Variants in ADCY9 observed in about 807,000 individuals in gnomAD.
ADCY9 encodes the protein adenylate cyclase type 9.
A neutral mutation model predicts 101.5 loss-of-function variants in ADCY9; 50 were observed. The ratio of observed to expected loss-of-function variants is 0.49; its 90% CI spans 0.39 to 0.62. The LOEUF (loss-of-function observed/expected upper bound fraction) is 0.62. ADCY9 is among the 20% of genes least tolerant of loss of function. The pLI, the probability that ADCY9 is intolerant of heterozygous loss-of-function variation, is 0.00. For missense variants in ADCY9, 1,662 were observed against 1,800.4 expected (o/e 0.92, Z 1.39); for synonymous variants, 905 against 769.3 (o/e 1.18, Z -2.92).
chr16:4,113,740 G>A lies in ADCY9; in HGVS notation c.1693+10C>T. ...GGAGGGGGGATGCCGAGGTAAAGCA[G>A]TGCACATACCTTTCAACTGGTCAGC... On this transcript the variant is annotated intron_variant, in intron 2 of 10. Transcript: ENST00000294016. 1 of 1,608,264 alleles carries A rather than the reference G, an allele frequency of 6.2e-7. No homozygotes were observed. The highest frequency in any genetic ancestry group is 8.5e-7 in the Non-Finnish European group (1 of 1,175,722).
chr16:4,069,866 C>T (rs1321033981), intron 2 of ADCY9, among the ~76,000 whole-genome samples: 3 of 152,124 alleles, frequency 2.0e-5, no homozygotes, highest in Non-Finnish European at 4.4e-5. Context: ...GAGGCTGAGG[C>T]AGGTGGATCA....
intron 2 of ADCY9, among the ~76,000 whole-genome samples, chr16:4,035,441 G>A (rs917061313): frequency 2.6e-5 from 4 of 152,140 alleles, no homozygotes; most frequent in African/African-American, 9.7e-5. Flanking sequence ...TAATATAAGT[G>A]TAATTGCCAT....
intron 9 of ADCY9, among the ~76,000 whole-genome samples, chr16:3,976,860 G>A (rs910357170): frequency 6.6e-6 from 1 of 152,210 alleles, no homozygotes; most frequent in African/African-American, 2.4e-5. Context: ...GTTTCACCAT[G>A]TTGGCCAGGC....
At chr16:4,075,559 C>G (rs1456599559) in intron 2 of ADCY9, among the ~76,000 whole-genome samples, 1 of 152,098 alleles carries the variant, frequency 6.6e-6, no homozygotes, top group Non-Finnish European at 1.5e-5. Flanking sequence ...AGAAATGTAC[C>G]CGGTCCCATG....
intron 10 of ADCY9, among the ~76,000 whole-genome samples, chr16:3,972,303 C>G (rs1035330942): frequency 2.6e-5 from 4 of 151,392 alleles, no homozygotes; most frequent in African/African-American, 9.7e-5. Context: ...GATCTAGGCT[C>G]ACTGCAACCT....
At chr16:4,047,732 G>C (rs901887908) in intron 2 of ADCY9, among the ~76,000 whole-genome samples, 4 of 152,142 alleles carry the variant, frequency 2.6e-5, no homozygotes, top group African/African-American at 9.7e-5. Context: ...TGAAATCTAT[G>C]ACCAAGCAGG....
At position 3,963,932 on chromosome 16, in the gene ADCY9, G is replaced by C. The variant is rs2055963211; in HGVS notation, c.*1843C>G. On this transcript the variant is annotated 3_prime_UTR_variant, in exon 11 of 11. Transcript: ENST00000294016. ...CCCTTTCTTCGGTATTGGAAGACCA[G>C]CAAACTGACAGTCACACCTGACAGG... The C allele has an allele frequency of 6.6e-6, 1 of 152,664 alleles. No individual in the cohort carries two copies. Among genetic ancestry groups the C allele is most frequent in the African/African-American group, 2.4e-5 (1 of 41,460 alleles). The allele number at this position is 152,664 out of a possible 1,614,324, so 9.5% of individuals were successfully genotyped here.
intron 2 of ADCY9, among the ~76,000 whole-genome samples, chr16:4,025,248 CTG>C (rs1020108480): frequency 6.6e-6 from 1 of 152,006 alleles, no homozygotes; most frequent in Non-Finnish European, 1.5e-5. Flanking sequence ...TGGTGTATGA[CTG>C]TAATCCCAGC....
chr16:4,114,414 G>A lies in ADCY9; in HGVS notation c.1029C>T (p.Ala343=), dbSNP rs746668689. 2.5e-6 allele frequency: 4 copies of A among 1,614,064 alleles called. No homozygotes were observed. Among genetic ancestry groups the A allele is most frequent in the South Asian group, 2.2e-5 (2 of 91,084 alleles). ...CATCTCCCTGCTTCATTAAGTCATC[G>A]GCTATGATTCTTGGCATCACGGAAT... ...MIHSVMPRII[A]DDLMKQGDEE... Residue 343 remains alanine (A), a synonymous_variant, in exon 2 of 11, where the codon GCC becomes GCT. Coordinates refer to ENST00000294016, the MANE Select transcript of ADCY9 (RefSeq NM_001116.4). The surrounding 1 kb of genome is among the most constrained non-coding windows in gnomAD (Gnocchi z 4.3).
At chr16:4,056,015 G>A (rs772002355) in intron 2 of ADCY9, among the ~76,000 whole-genome samples, 5 of 152,112 alleles carry the variant, frequency 3.3e-5, no homozygotes, top group African/African-American at 7.2e-5. Context: ...CACTTCCTTA[G>A]CTCCCATAGA....
chr16:4,051,659 A>G (rs9922384), intron 2 of ADCY9, among the ~76,000 whole-genome samples: 11,466 of 152,154 alleles, frequency 0.075, 1,500 homozygotes, highest in African/African-American at 0.26. Flanking sequence ...AGCAAATGAT[A>G]ATGGTAATGA....
rs556677710 is a variant in ADCY9, at chr16:4,044,850, C to T, written c.1694-37292G>A. ...CAGGCGGAGGGACTCTCCACCCCGCCTCTTTTGCCCCCAGAAAATAAATCT... is the reference window on the plus strand; with the variant it reads ...CAGGCGGAGGGACTCTCCACCCCGCTTCTTTTGCCCCCAGAAAATAAATCT... On this transcript the variant is annotated intron_variant, in intron 2 of 10. Transcript: ENST00000294016. 5.3e-5 allele frequency among the ~76,000 whole-genome samples: 8 copies of T among 152,190 alleles called. No individual in the cohort carries two copies. The South Asian group carries it at 8.3e-4, about 16-fold the overall frequency.
In ADCY9 at chr16:4,113,695, T is replaced by A. The variant is rs558394247; in HGVS notation, c.1693+55A>T. 1.9e-4 allele frequency: 295 copies of A among 1,540,678 alleles called. No homozygotes were observed. The African/African-American group carries it at 3.8e-3, about 20-fold the overall frequency. On this transcript the variant is annotated intron_variant, in intron 2 of 10. Transcript: ENST00000294016. ...TGAGGCTGGAAGCTTTTTTTTTTAATTTAATACAATCAGGATCAGGGAGGG... is the reference window on the plus strand; with the variant it reads ...TGAGGCTGGAAGCTTTTTTTTTTAAATTAATACAATCAGGATCAGGGAGGG...
At chr16:4,071,332 C>CAAAAAAAAAAAAAAAAAAAAAAAA (rs530420293) in intron 2 of ADCY9, among the ~76,000 whole-genome samples, 6 of 70,524 alleles carry the variant, frequency 8.5e-5, no homozygotes, top group East Asian at 1.0e-3. Flanking sequence ...ACTCAGTCTC[C>CAAAAAAAAAAAAAAAAAAAAAAAA]AAAAAAAAAA....
At chr16:4,086,903 G>A (rs779800242) in intron 2 of ADCY9, among the ~76,000 whole-genome samples, 2 of 151,662 alleles carry the variant, frequency 1.3e-5, no homozygotes, top group African/African-American at 2.4e-5. Context: ...CAGGTGATCC[G>A]CCCACCTAGG....
intron 2 of ADCY9, among the ~76,000 whole-genome samples, chr16:4,048,540 C>G (rs562374849): frequency 6.6e-6 from 1 of 152,194 alleles, no homozygotes; most frequent in Non-Finnish European, 1.5e-5. Flanking sequence ...AGCCCTACAA[C>G]TCCTGCACTT....
intron 5 of ADCY9, 50 bp from the exon 6 acceptor site, chr16:3,989,146 G>A (rs372157396): frequency 4.5e-6 from 6 of 1,338,176 alleles, no homozygotes; most frequent in Non-Finnish European, 6.4e-6. Flanking sequence ...CCATAACTGT[G>A]CCAATGTTTT....
At position 4,007,510 on chromosome 16, in the gene ADCY9, C is replaced by T; in HGVS notation, c.1742G>A (p.Cys581Tyr). Residue 581 changes from cysteine (C) to tyrosine (Y), a missense_variant, in exon 3 of 11, where the codon TGC (cysteine) becomes TAC (tyrosine). Physicochemically the swap from Cys to Tyr is radical, Grantham distance 194. Around this residue, in one of 5 missense-constraint regions of ADCY9, gnomAD observed 624 missense variants for 639.1 expected, o/e 0.98. Coordinates refer to ENST00000294016, the MANE Select transcript of ADCY9 (RefSeq NM_001116.4). ...AGAAAGCAAGGCCTCTGCACAGCTG[C>T]AGCGAGACTCCTTGGCTCTCTGACC... Reference protein sequence around the residue: ...ISGQRAKESRCSCAEALLSGF... With the variant: ...ISGQRAKESRYSCAEALLSGF... 1.2e-6 allele frequency: 2 copies of T among 1,613,278 alleles called. No homozygotes were observed. Among genetic ancestry groups the T allele is most frequent in the South Asian group, 1.1e-5 (1 of 90,922 alleles).
intron 10 of ADCY9, among the ~76,000 whole-genome samples, chr16:3,974,440 T>G (rs1305989984): frequency 6.6e-6 from 1 of 152,274 alleles, no homozygotes; most frequent in Non-Finnish European, 1.5e-5. Context: ...TACATAAAAT[T>G]ACATGACTGT....
Sources: allele counts gnomAD v4.1 joint callset (sites outside exome capture counted in the v4.1 genomes callset), GRCh38; gene constraint gnomAD v4.1.1; regional missense constraint gnomAD v4.1.1; non-coding constraint Gnocchi (gnomAD v3.1); transcripts MANE v1.5; gene names NCBI Gene and HGNC (gene_info 2026-07-23, HGNC 2026-07-21).